Variants in LDB2 observed in about 807,000 individuals in gnomAD.
The protein encoded by LDB2 is LIM domain binding 2.
Under a neutral mutation model 44.3 loss-of-function variants are expected in LDB2, and 12 were observed. The ratio of observed to expected loss-of-function variants is 0.27; its 90% confidence interval spans 0.17 to 0.44. LDB2 has a LOEUF of 0.44. Ranked by LOEUF, LDB2 falls within the 20% of genes least tolerant of loss-of-function variation. The probability of loss-of-function intolerance (pLI) is 1.00; values close to 1 mark genes in which losing one functional copy is unlikely to be tolerated. For synonymous variants in LDB2, 164 were observed against 174.8 expected (o/e 0.94, Z 0.49); for missense variants, 344 against 473.5 (o/e 0.73, Z 2.54).
intron 2 of LDB2, among the ~76,000 whole-genome samples, chr4:16,668,207 G>A (rs1224729957): frequency 6.6e-6 from 1 of 152,012 alleles, no homozygotes; most frequent in Non-Finnish European, 1.5e-5. Flanking sequence ...GTTTATTACT[G>A]TGGGTCATGG....
intron 2 of LDB2, among the ~76,000 whole-genome samples, chr4:16,629,341 C>T (rs1481173826): frequency 6.6e-6 from 1 of 152,142 alleles, no homozygotes; most frequent in Non-Finnish European, 1.5e-5. Context: ...CCCTGACCCC[C>T]GTGTAGCCTA....
In LDB2 at chr4:16,566,884, T is replaced by C. The variant is rs940745983; in HGVS notation, c.615+19038A>G. ...GAAAATAAAGTGGCTCTTAAGTATATGAGAAGATAATAAATATCTCCTGTC... is the reference window on the plus strand; with the variant it reads ...GAAAATAAAGTGGCTCTTAAGTATACGAGAAGATAATAAATATCTCCTGTC... On this transcript the variant is annotated intron_variant, in intron 5 of 7. Transcript: ENST00000304523. Among the ~76,000 whole-genome samples, 4 of 152,314 alleles carry C rather than the reference T, an allele frequency of 2.6e-5. No homozygotes were observed. The South Asian group carries it at 6.2e-4, about 24-fold the overall frequency.
chr4:16,811,734 C>T (rs187266898), intron 1 of LDB2, among the ~76,000 whole-genome samples: 3 of 152,284 alleles, frequency 2.0e-5, no homozygotes, highest in East Asian at 3.9e-4. Context: ...TAAAACATTA[C>T]GTTCTCCATT....
At chr4:16,664,818 CGGCTGGATGCCAA>C (rs1355037896) in intron 2 of LDB2, among the ~76,000 whole-genome samples, 1 of 152,134 alleles carries the variant, frequency 6.6e-6, no homozygotes, top group Non-Finnish European at 1.5e-5. Context: ...TTTCGGGTGT[CGGCTGGATGCCAA>C]GGCTTAGGAA....
At chr4:16,832,009 T>C (rs1784150711) in intron 1 of LDB2, among the ~76,000 whole-genome samples, 1 of 152,244 alleles carries the variant, frequency 6.6e-6, no homozygotes, top group Non-Finnish European at 1.5e-5. Context: ...GGTGCATCTA[T>C]AAAAGCCCTG....
chr4:16,839,536 A>G (rs158261), intron 1 of LDB2, among the ~76,000 whole-genome samples: 62,827 of 152,006 alleles, frequency 0.41, 13,204 homozygotes, highest in East Asian at 0.61. Flanking sequence ...AACCCAGACT[A>G]TAACACCCAG....
At chr4:16,675,765 C>A (rs1408620718) in intron 2 of LDB2, among the ~76,000 whole-genome samples, 1 of 152,128 alleles carries the variant, frequency 6.6e-6, no homozygotes, top group Non-Finnish European at 1.5e-5. Flanking sequence ...CTTTAATGAT[C>A]TATCAATATG....
intron 2 of LDB2, among the ~76,000 whole-genome samples, chr4:16,605,873 G>A (rs1454506255): frequency 1.3e-5 from 2 of 152,306 alleles, no homozygotes; most frequent in South Asian, 2.1e-4. Flanking sequence ...TTACCACCAG[G>A]AGGGGGAACT....
chr4:16,595,489 A>G (rs1048492905), intron 3 of LDB2, among the ~76,000 whole-genome samples: 2 of 151,980 alleles, frequency 1.3e-5, no homozygotes, highest in African/African-American at 2.4e-5. Flanking sequence ...CTCCTCTTTG[A>G]TTTTCATGTG....
chr4:16,758,780 AATT>A (rs1369541389), intron 2 of LDB2, among the ~76,000 whole-genome samples: 2 of 152,186 alleles, frequency 1.3e-5, no homozygotes, highest in Middle Eastern at 3.2e-3. Context: ...TGACAGTAGG[AATT>A]ATTATTTTTA....
rs546716221 is a variant in LDB2, at chr4:16,739,533, C to T, written c.235+19625G>A. Among the ~76,000 whole-genome samples, 6 of 135,310 alleles carry T rather than the reference C, an allele frequency of 4.4e-5. No individual in the cohort carries two copies. In the East Asian group the frequency reaches 1.3e-3, roughly 30 times the overall value. The allele number at this position is 135,310 out of a possible 152,430, so 88.8% of individuals were successfully genotyped here. On this transcript the variant is annotated intron_variant, in intron 2 of 7. Transcript: ENST00000304523. ...CCCGGGAGGCAGAGGTTACAATGAG[C>T]CAAGATCATACCACTGCACTCCAGC...
At chr4:16,846,113 CAA>C (rs374522770) in intron 1 of LDB2, among the ~76,000 whole-genome samples, 18 of 111,760 alleles carry the variant, frequency 1.6e-4, no homozygotes, top group East Asian at 2.4e-4. Flanking sequence ...GACTCTGTCT[CAA>C]AAAAAAAAAA....
At chr4:16,827,566 A>G (rs958677937) in intron 1 of LDB2, among the ~76,000 whole-genome samples, 4 of 152,194 alleles carry the variant, frequency 2.6e-5, no homozygotes, top group African/African-American at 9.6e-5. Flanking sequence ...TTTGCTAGGC[A>G]AATTAGTGTC....
intron 2 of LDB2, among the ~76,000 whole-genome samples, chr4:16,657,210 G>A (rs1231669524): frequency 3.3e-5 from 5 of 152,176 alleles, no homozygotes; most frequent in Non-Finnish European, 7.3e-5. Flanking sequence ...GGGAAATGTG[G>A]TTCCTAGAAT....
intron 2 of LDB2, among the ~76,000 whole-genome samples, chr4:16,697,951 G>A (rs369162408): frequency 6.6e-6 from 1 of 152,202 alleles, no homozygotes; most frequent in South Asian, 2.1e-4. Flanking sequence ...TGCTTGGAAC[G>A]TTGTAGGCAT....
intron 1 of LDB2, among the ~76,000 whole-genome samples, chr4:16,770,061 T>C (rs530702940): frequency 6.6e-6 from 1 of 152,308 alleles, no homozygotes; most frequent in Non-Finnish European, 1.5e-5. Flanking sequence ...GAAATGTTAG[T>C]TAGAATAACT....
At chr4:16,871,772 C>G (rs1010568207) in intron 1 of LDB2, among the ~76,000 whole-genome samples, 5 of 125,940 alleles carry the variant, frequency 4.0e-5, no homozygotes, top group Admixed American at 7.1e-5. Flanking sequence ...AGGCGCCCAC[C>G]ACCACGCCCA....
chr4:16,684,664 G>A (rs1278488458), intron 2 of LDB2, among the ~76,000 whole-genome samples: 2 of 152,116 alleles, frequency 1.3e-5, no homozygotes, highest in African/African-American at 4.8e-5. Flanking sequence ...AATATATTCA[G>A]GTTTTAGCCC....
At chr4:16,847,024 G>C (rs1391567909) in intron 1 of LDB2, among the ~76,000 whole-genome samples, 2 of 152,076 alleles carry the variant, frequency 1.3e-5, no homozygotes, top group African/African-American at 2.4e-5. Flanking sequence ...TCCTTTTTCA[G>C]TATGTGTCAT....
Sources: allele counts gnomAD v4.1 joint callset (sites outside exome capture counted in the v4.1 genomes callset), GRCh38; gene constraint gnomAD v4.1.1; transcripts MANE v1.5; gene names NCBI Gene and HGNC (gene_info 2026-07-23, HGNC 2026-07-21).